Variants in PARVB observed in about 807,000 individuals in gnomAD.
PARVB encodes the protein beta-parvin.
Under a neutral mutation model 47.0 loss-of-function variants are expected in PARVB, and 46 were observed. The ratio of observed to expected loss-of-function variants is 0.98; its 90% CI spans 0.77 to 1.25. The LOEUF is 1.25. PARVB is among the 50% of genes most tolerant of loss of function. The probability of loss-of-function intolerance (pLI) is 0.00; values close to 1 mark genes in which losing one functional copy is unlikely to be tolerated. For missense variants in PARVB, 473 were observed against 471.6 expected, an observed-to-expected ratio of 1.00 and a Z score of -0.03; for synonymous variants, 196 against 196.3, an observed-to-expected ratio of 1.00 and a Z score of 0.01.
At chr22:44,026,345 G>A (rs1222212740) in intron 1 of PARVB, 1 of 985,506 alleles carries the variant, frequency 1.0e-6, no homozygotes, top group Non-Finnish European at 1.2e-6. Flanking sequence ...GGAGCAGGAC[G>A]CCGGGCACTG....
At chr22:44,051,668 G>A (rs1357828530) in intron 1 of PARVB, among the ~76,000 whole-genome samples, 4 of 152,200 alleles carry the variant, frequency 2.6e-5, no homozygotes, top group Non-Finnish European at 4.4e-5. Flanking sequence ...AGTGCAGGAA[G>A]GGACCATGGG....
intron 1 of PARVB, among the ~76,000 whole-genome samples, chr22:44,079,773 C>G (rs1198658350): frequency 6.6e-6 from 1 of 152,110 alleles, no homozygotes; most frequent in Non-Finnish European, 1.5e-5. Flanking sequence ...ACTAAACATA[C>G]AAAAATTAGC....
intron 2 of PARVB, chr22:43,999,729 C>A (rs1331088442): frequency 4.0e-6 from 5 of 1,264,090 alleles, no homozygotes; most frequent in Non-Finnish European, 5.7e-6. Context: ...TGCAGTGGCT[C>A]ATGCCTGTAA....
intron 1 of PARVB, among the ~76,000 whole-genome samples, chr22:44,088,001 G>C (rs910015): frequency 0.43 from 64,747 of 151,762 alleles, 14,303 homozygotes; most frequent in African/African-American, 0.54. Flanking sequence ...GAGGGTGTGT[G>C]TCCCTGAATC....
chr22:44,098,965 T>TA (rs1370003442), intron 2 of PARVB, among the ~76,000 whole-genome samples: 1 of 152,128 alleles, frequency 6.6e-6, no homozygotes, highest in Non-Finnish European at 1.5e-5. Flanking sequence ...AGGAGCCACT[T>TA]ACGCTCAGCT....
intron 11 of PARVB, among the ~76,000 whole-genome samples, chr22:44,161,068 C>G: frequency 6.6e-6 from 1 of 152,184 alleles, no homozygotes; most frequent in East Asian, 1.9e-4. Flanking sequence ...GCTATTCCCT[C>G]TCTTTGCTAT....
At chr22:44,164,409 TC>T (rs139083) in intron 12 of PARVB, among the ~76,000 whole-genome samples, 1 of 142,320 alleles carries the variant, frequency 7.0e-6, no homozygotes, top group South Asian at 2.2e-4. Flanking sequence ...TGCTTCCCTG[TC>T]CCCCCCCCGG....
chr22:44,089,793 A>G lies in PARVB; in HGVS notation c.113-4135A>G, dbSNP rs1368100314. On this transcript the variant is annotated intron_variant, in intron 1 of 12. Coordinates refer to ENST00000338758, the MANE Select transcript of PARVB (RefSeq NM_013327.5). The surrounding 1 kb of genome is among the most constrained non-coding windows in gnomAD (Gnocchi z 4.0). ...GCAAGGCCCAGAAGGGCATCCCTCA[A>G]ACCTTCATGGGGTTCAGCTTTGGAC... Among the ~76,000 whole-genome samples, 1 of 152,192 alleles carries G rather than the reference A, an allele frequency of 6.6e-6. No individual in the cohort carries two copies.
chr22:44,004,214 G>T (rs979585237), intron 2 of PARVB, among the ~76,000 whole-genome samples: 3 of 152,248 alleles, frequency 2.0e-5, no homozygotes, highest in African/African-American at 7.2e-5. Context: ...AGAAAAGGGA[G>T]CCTGGGTACC....
chr22:44,147,460 G>A (rs1290078844), intron 8 of PARVB: 1 of 358,946 alleles, frequency 2.8e-6, no homozygotes, highest in South Asian at 2.1e-5. Flanking sequence ...ACCGTCGCGG[G>A]GGAAGTGGTT....
At position 43,999,638 on chromosome 22, in the gene PARVB, C is replaced by A. The variant is rs765399201; in HGVS notation, c.176C>A (p.Ser59Ter). ...TCACTTCTCCCTGGCTCAGACAGAT[C>A]AGGAGTGGAAACATCTGAATATGCT... is the stretch of plus-strand genomic sequence containing the variant. Residue 59 changes from serine (S) to a stop codon, truncating the protein, a stop_gained, in exon 2 of 14, where the codon TCA (serine) becomes TAA (stop). Transcript: ENST00000406477. LOFTEE classifies it high-confidence loss of function. 8 of 1,613,644 alleles carry A rather than the reference C, an allele frequency of 5.0e-6. No individual in the cohort carries two copies.
rs894366133 is a variant in PARVB at position 44,026,863 on chromosome 22, C to T, written c.112+2412C>T. Among the ~76,000 whole-genome samples the T allele has an allele frequency of 3.3e-5, 5 of 151,856 alleles. No homozygotes were observed. The South Asian group carries it at 1.0e-3, about 32-fold the overall frequency. ...AAGCTGGGGGAAGGGGCGGGCTCAT[C>T]GGTGAGGTTCCAGATTCAGGCAGGG... On this transcript the variant is annotated intron_variant, in intron 1 of 12. Coordinates refer to ENST00000338758, the MANE Select transcript of PARVB (RefSeq NM_013327.5).
chr22:44,093,104 T>A (rs1271741719), intron 1 of PARVB, among the ~76,000 whole-genome samples: 2 of 152,200 alleles, frequency 1.3e-5, no homozygotes, highest in African/African-American at 2.4e-5. Flanking sequence ...GAGTCTTACA[T>A]GCAGCAGAGG....
chr22:44,100,036 C>T lies in PARVB; in HGVS notation c.203-17C>T. On this transcript the variant is annotated splice_polypyrimidine_tract_variant and intron_variant, in intron 2 of 12. Coordinates refer to ENST00000338758, the MANE Select transcript of PARVB (RefSeq NM_013327.5). ...CCCCCACAATCGCTGACCGTGACTT[C>T]CTTTTGTCCCTGGCAGAGGAGAACG... 1.2e-6 allele frequency: 2 copies of T among 1,612,306 alleles called. No homozygotes were observed. The highest frequency in any genetic ancestry group is 1.3e-5 in the African/African-American group (1 of 74,968).
At chr22:44,131,669 C>A (rs765997551) in intron 5 of PARVB, 42 bp downstream of exon 5, 1 of 1,554,202 alleles carries the variant, frequency 6.4e-7, no homozygotes. Context: ...CTGGAGGGAG[C>A]CCGTCCTCTC....
intron 1 of PARVB, among the ~76,000 whole-genome samples, chr22:44,070,872 T>C (rs929591712): frequency 1.3e-5 from 2 of 152,138 alleles, no homozygotes; most frequent in African/African-American, 4.8e-5. Context: ...CAGATTCTCT[T>C]CACTCAGGTG....
intron 1 of PARVB, among the ~76,000 whole-genome samples, chr22:44,080,196 C>T (rs1037558214): frequency 2.0e-5 from 3 of 152,240 alleles, no homozygotes; most frequent in African/African-American, 2.4e-5. Context: ...TTTGAAATTA[C>T]GTGGAGTTGC....
chr22:44,059,319 T>C (rs1433089276), intron 1 of PARVB, among the ~76,000 whole-genome samples: 2 of 152,156 alleles, frequency 1.3e-5, no homozygotes, highest in Non-Finnish European at 2.9e-5. Context: ...GTGCTGGGAT[T>C]ACAGACATGA....
intron 11 of PARVB, among the ~76,000 whole-genome samples, chr22:44,161,701 C>T (rs1020811587): frequency 3.3e-5 from 5 of 152,190 alleles, no homozygotes; most frequent in Admixed American, 6.5e-5. Flanking sequence ...TCACCTCGTA[C>T]AGGGCTGGGA....
Sources: allele counts gnomAD v4.1 joint callset (sites outside exome capture counted in the v4.1 genomes callset), GRCh38; gene constraint gnomAD v4.1.1; non-coding constraint Gnocchi (gnomAD v3.1); transcripts MANE v1.5; gene names NCBI Gene and HGNC (gene_info 2026-07-23, HGNC 2026-07-21).